The following TMEM161A variants were observed in gnomAD, a reference collection of about 807,000 sequenced individuals.
TMEM161A encodes adaptive response to oxidative stress protein 29.
TMEM161A carries 46 observed loss-of-function variants against 57.1 expected under a neutral mutation model. The observed-to-expected ratio is 0.81, with a 90% CI of 0.64 to 1.03. The LOEUF (loss-of-function observed/expected upper bound fraction) is 1.03. Ranked by LOEUF, TMEM161A falls within the 50% of genes least tolerant of loss-of-function variation. TMEM161A has a pLI of 0.00. For missense variants in TMEM161A, 601 were observed against 621.5 expected (o/e 0.97, Z 0.35); for synonymous variants, 288 against 279.0 (o/e 1.03, Z -0.32).
chr19:19,120,958 T>C lies in TMEM161A; in HGVS notation c.1089+34A>G, dbSNP rs199780270. The C allele has an allele frequency of 2.9e-4, 469 of 1,608,824 alleles. 9 individuals are homozygous for C. In the East Asian group the frequency reaches 0.01, roughly 36 times the overall value. On this transcript the variant is annotated intron_variant, in intron 10 of 11. Transcript: ENST00000162044. ...CAGGAACCCCACCCTGAGCCCCAGG[T>C]TCCCTCTGGCCTAGGTCATCGGGGC...
chr19:19,132,774 C>T lies in TMEM161A; in HGVS notation c.189-20G>A. On this transcript the variant is annotated intron_variant, in intron 3 of 11. Transcript: ENST00000162044. The surrounding 1 kb of genome is among the most constrained non-coding windows in gnomAD (Gnocchi z 4.3). ...GCCCACCTGGGAGGATGGTGACAAG[C>T]AAGAGGGACGGTGAGCACGCATTCC... 3 of 1,519,612 alleles carry T rather than the reference C, an allele frequency of 2.0e-6. No homozygotes were observed. Among genetic ancestry groups the T allele is most frequent in the Non-Finnish European group, 1.8e-6 (2 of 1,131,230 alleles). 94.1% of individuals were successfully genotyped at this position (1,519,612 alleles called of 1,614,324 possible).
chr19:19,132,805 G>C lies in TMEM161A; in HGVS notation c.189-51C>G. On this transcript the variant is annotated intron_variant, in intron 3 of 11. Transcript: ENST00000162044. The surrounding 1 kb of genome is among the most constrained non-coding windows in gnomAD (Gnocchi z 4.3). ...GGACGGTGAGCACGCATTCCACTGA[G>C]GCCAGCCACCCTCAGAGCTCAGAGC... 1 of 1,420,580 alleles carries C rather than the reference G, an allele frequency of 7.0e-7. No individual in the cohort carries two copies. Among genetic ancestry groups the C allele is most frequent in the Non-Finnish European group, 9.5e-7 (1 of 1,050,820 alleles). The allele number at this position is 1,420,580 out of a possible 1,614,324, so 88.0% of individuals were successfully genotyped here.
chr19:19,121,377 C>T lies in TMEM161A; in HGVS notation c.845G>A (p.Trp282Ter), dbSNP rs370671500. 2 of 1,610,288 alleles carry T rather than the reference C, an allele frequency of 1.2e-6. No individual in the cohort carries two copies. Among genetic ancestry groups the T allele is most frequent in the African/African-American group, 2.7e-5 (2 of 74,694 alleles). ...TSFLSPLFIL[W>*]LWTKPIARDF... ...CCGTGCAATGGGCTTTGTCCAGAGC[C>T]ACAGGATGAACAGGGGAGACAGGAA... Residue 282 changes from tryptophan to a stop codon, truncating the protein, a stop_gained, in exon 9 of 12, where the codon TGG becomes TAG. Coordinates refer to ENST00000162044, the MANE Select transcript of TMEM161A (RefSeq NM_017814.3). LOFTEE classifies it high-confidence loss of function. The surrounding 1 kb of genome is among the most constrained non-coding windows in gnomAD (Gnocchi z 5.8).
intron 6 of TMEM161A, 129 bp downstream of exon 6, chr19:19,130,027 G>T: frequency 9.8e-7 from 1 of 1,023,754 alleles, no homozygotes; most frequent in Non-Finnish European, 1.4e-6. Flanking sequence ...CACTAATGGG[G>T]ACTGCCTTCA....
In TMEM161A at chr19:19,121,162, ACAGC is replaced by A; in HGVS notation, c.915_918del (p.Leu306ProfsTer23). The A allele has an allele frequency of 6.2e-7, 1 of 1,604,672 alleles. No homozygotes were observed. The highest frequency in any genetic ancestry group is 8.5e-7 in the Non-Finnish European group (1 of 1,175,610). The stretch of plus-strand genomic sequence containing the variant: ...CGCCCAGAGTCGAAGGCAGAATCGG[ACAGC>A]CTGTGCGGAGAGGGCCGGGGGCAAG... On this transcript the variant is annotated frameshift_variant and splice_region_variant, in exon 10 of 12. Transcript: ENST00000162044. LOFTEE classifies it high-confidence loss of function. The surrounding 1 kb of genome is among the most constrained non-coding windows in gnomAD (Gnocchi z 5.8).
intron 5 of TMEM161A, among the ~76,000 whole-genome samples, chr19:19,131,862 T>C (rs1022117323): frequency 2.6e-5 from 4 of 152,128 alleles, no homozygotes; most frequent in Non-Finnish European, 4.4e-5. Flanking sequence ...GGTTTCACCA[T>C]GTTGGCCAGG....
chr19:19,122,248 C>G (rs1186359042), intron 6 of TMEM161A, among the ~76,000 whole-genome samples: 1 of 152,140 alleles, frequency 6.6e-6, no homozygotes, highest in Admixed American at 6.5e-5. Context: ...GAGCTGAGAC[C>G]GCACCATTGC....
At position 19,119,999 on chromosome 19, in the gene TMEM161A, C is replaced by T; in HGVS notation, c.1371G>A (p.Trp457Ter). 2.5e-6 allele frequency: 4 copies of T among 1,589,882 alleles called. No individual in the cohort carries two copies. The highest frequency in any genetic ancestry group is 3.4e-6 in the Non-Finnish European group (4 of 1,168,958). Residue 457 changes from tryptophan (W) to a stop codon, truncating the protein, a stop_gained, in exon 12 of 12, where the codon TGG (tryptophan) becomes TGA (stop). Coordinates refer to ENST00000162044, the MANE Select transcript of TMEM161A (RefSeq NM_017814.3). LOFTEE classifies it high-confidence loss of function. ...LRGVLAYLIW[W>*]TAACQLLASL... ...TGGCGAGCAGCTGGCAGGCAGCCGT[C>T]CACCAGATGAGGTAGGCCAGGACGC...
At chr19:19,120,294 T>C in intron 11 of TMEM161A, 111 bp from the exon 12 acceptor site, 1 of 953,950 alleles carries the variant, frequency 1.0e-6, no homozygotes, top group Non-Finnish European at 1.5e-6. Context: ...CACCCCTGTC[T>C]CAGACTCCAT....
chr19:19,127,512 C>A (rs187959163), intron 6 of TMEM161A, among the ~76,000 whole-genome samples: 1 of 151,864 alleles, frequency 6.6e-6, no homozygotes, highest in East Asian at 2.0e-4. Context: ...TTAGTAGAGA[C>A]GGAGTTTCAC....
rs986565270 is a variant in TMEM161A, at chr19:19,119,529, C to A, written c.*401G>T. 9 of 218,890 alleles carry A rather than the reference C, an allele frequency of 4.1e-5. No homozygotes were observed. Among genetic ancestry groups the A allele is most frequent in the African/African-American group, 2.0e-4 (9 of 44,746 alleles). 13.6% of individuals were successfully genotyped at this position (218,890 alleles called of 1,614,324 possible). A position where few individuals can be genotyped will look rare whatever the true frequency, so the allele number is the denominator to read the frequency against. On this transcript the variant is annotated 3_prime_UTR_variant, in exon 12 of 12. Coordinates refer to ENST00000162044, the MANE Select transcript of TMEM161A (RefSeq NM_017814.3). ...GCTCCTCTCTCCCTCCCGCGCAGCC[C>A]CCACCCTGCACCCGGGCAGGTGCCA...
intron 6 of TMEM161A, among the ~76,000 whole-genome samples, chr19:19,126,793 C>A (rs2059933212): frequency 6.6e-6 from 1 of 152,158 alleles, no homozygotes; most frequent in Non-Finnish European, 1.5e-5. Context: ...TCACTTGAGC[C>A]TGGAAGGTGG....
chr19:19,130,034 T>C (rs1267690190), intron 6 of TMEM161A, 122 bp downstream of exon 6: 3 of 1,159,942 alleles, frequency 2.6e-6, no homozygotes, highest in Non-Finnish European at 3.6e-6. Context: ...GGGGACTGCC[T>C]TCACCCCAGG....
In TMEM161A at chr19:19,121,428, GGT is replaced by G. The variant is rs776340321; in HGVS notation, c.801-9_801-8del. 2 of 1,613,880 alleles carry G rather than the reference GGT, an allele frequency of 1.2e-6. No individual in the cohort carries two copies. The highest frequency in any genetic ancestry group is 2.2e-5 in the South Asian group (2 of 91,076). On this transcript the variant is annotated splice_polypyrimidine_tract_variant and splice_region_variant and intron_variant, in intron 8 of 11. Transcript: ENST00000162044. The surrounding 1 kb of genome is among the most constrained non-coding windows in gnomAD (Gnocchi z 5.8). ...GCTGGTGTGCAGGAGGAACCTGGGG[GGT>G]GAGGGCAGGAGGGAGTGAGGCCTGG...
At chr19:19,136,851 C>T (rs2059986953) in intron 1 of TMEM161A, among the ~76,000 whole-genome samples, 1 of 151,922 alleles carries the variant, frequency 6.6e-6, no homozygotes, top group African/African-American at 2.4e-5. Flanking sequence ...GGCTGGCTGG[C>T]ACTTAGGGAC....
intron 6 of TMEM161A, among the ~76,000 whole-genome samples, chr19:19,126,074 T>G (rs1281005911): frequency 1.3e-5 from 2 of 150,830 alleles, no homozygotes; most frequent in African/African-American, 4.9e-5. Flanking sequence ...AAGACCAGCC[T>G]GGTCAGCATA....
At chr19:19,120,347 A>C (rs563913992) in intron 11 of TMEM161A, among the ~76,000 whole-genome samples, 164 bp from the exon 12 acceptor site, 1 of 150,084 alleles carries the variant, frequency 6.7e-6, no homozygotes, top group Non-Finnish European at 1.5e-5. Context: ...CCCCCTGTCC[A>C]AGGCAAACCC....
intron 10 of TMEM161A, 46 bp downstream of exon 10, chr19:19,120,946 C>T: frequency 3.1e-6 from 5 of 1,609,592 alleles, no homozygotes; most frequent in Non-Finnish European, 4.2e-6. Context: ...GAACCCCACC[C>T]TGAGCCCCAG....
Position 19,130,044 on chromosome 19 carries a change from G to A in TMEM161A, c.595+112C>T, listed in dbSNP as rs1047129598. ...CTAATGGGGACTGCCTTCACCCCAG[G>A]AGCCCACTCCTTTGCCTACTCGTGC... On this transcript the variant is annotated intron_variant, in intron 6 of 11. Coordinates refer to ENST00000162044, the MANE Select transcript of TMEM161A (RefSeq NM_017814.3). The A allele has an allele frequency of 1.1e-5, 14 of 1,266,684 alleles. No homozygotes were observed. In the African/African-American group the frequency reaches 1.6e-4, roughly 15 times the overall value. 78.5% of individuals were successfully genotyped at this position (1,266,684 alleles called of 1,614,324 possible). A position where few individuals can be genotyped will look rare whatever the true frequency, so the allele number is the denominator to read the frequency against.
Sources: gnomAD v4.1 joint callset for allele counts (sites outside exome capture counted in the v4.1 genomes callset) on GRCh38, gnomAD v4.1.1 for gene constraint, Gnocchi (gnomAD v3.1) non-coding constraint, MANE v1.5 for transcripts, NCBI Gene and HGNC (gene_info 2026-07-23, HGNC 2026-07-21) for gene names.